Variants in PTK2 observed in about 807,000 individuals in gnomAD.
The protein encoded by PTK2 is protein tyrosine kinase 2.
PTK2 carries 45 observed loss-of-function variants against 150.1 expected under a neutral mutation model. The ratio of observed to expected loss-of-function variants is 0.30; its 90% CI spans 0.24 to 0.38. PTK2 has a LOEUF of 0.38. PTK2 is among the 10% of genes least tolerant of loss of function. PTK2 has a pLI of 1.00. For missense variants in PTK2, 919 were observed against 1,307.3 expected, an observed-to-expected ratio of 0.70 and a Z score of 4.58; for synonymous variants, 432 against 449.2, an observed-to-expected ratio of 0.96 and a Z score of 0.48.
intron 16 of PTK2, among the ~76,000 whole-genome samples, chr8:140,753,162 TACCCCAG>T (rs1317635922): frequency 6.6e-6 from 1 of 151,990 alleles, no homozygotes; most frequent in African/African-American, 2.4e-5. Context: ...GCTACCACAG[TACCCCAG>T]GTGACAGGTG....
rs2100118691 is a variant in PTK2 at position 140,836,447 on chromosome 8, TA to T, written c.594-5922del. Among the ~76,000 whole-genome samples the T allele has an allele frequency of 2.0e-5, 3 of 152,274 alleles. No homozygotes were observed. In the South Asian group the frequency reaches 6.2e-4, roughly 32 times the overall value. On this transcript the variant is annotated intron_variant, in intron 7 of 31. Transcript: ENST00000522684. ...GAGGTGGCTATGGATTACAAAATGG[TA>T]AAATTAAAGTAACCTGTAGCCCCAA...
intron 29 of PTK2, chr8:140,669,479 G>A: frequency 2.1e-6 from 1 of 487,512 alleles, no homozygotes; most frequent in Non-Finnish European, 3.6e-6. Flanking sequence ...ATTAATTCTT[G>A]GTTGTTCCAA....
rs143559545 is a variant in PTK2 at position 140,831,479 on chromosome 8, C to T, written c.594-953G>A. On this transcript the variant is annotated intron_variant, in intron 7 of 31. Coordinates refer to ENST00000522684, the Ensembl canonical transcript of PTK2. The stretch of plus-strand genomic sequence containing the variant: ...CATCCGTAACTGTTAAGTTAGCTGA[C>T]GTTATAAACAAAACCAGAGACATCA... Among the ~76,000 whole-genome samples the T allele has an allele frequency of 5.9e-5, 9 of 152,206 alleles. 1 individual carries two copies. Among genetic ancestry groups the T allele is most frequent in the African/African-American group, 2.2e-4 (9 of 41,530 alleles).
At chr8:140,744,736 C>A (rs146511319) in exon 19 of PTK2, 2 of 1,599,240 alleles carry the variant, frequency 1.3e-6, no homozygotes, top group African/African-American at 2.7e-5. Flanking sequence ...TAGATCCAAA[C>A]TGTATTTCCT....
At chr8:140,888,456 C>A (rs1024330067) in intron 3 of PTK2, among the ~76,000 whole-genome samples, 1 of 152,192 alleles carries the variant, frequency 6.6e-6, no homozygotes, top group African/African-American at 2.4e-5. Context: ...CTGAAAATCA[C>A]TGACTGATAA....
At chr8:140,669,666 T>C (rs539492820) in intron 29 of PTK2, 61 bp downstream of exon 33, 2 of 1,509,362 alleles carry the variant, frequency 1.3e-6, no homozygotes, top group East Asian at 2.5e-5. Flanking sequence ...CAAAGTTACA[T>C]GCAGAGAGCC....
chr8:140,767,663 T>A (rs1245226359), intron 14 of PTK2, among the ~76,000 whole-genome samples: 1 of 152,106 alleles, frequency 6.6e-6, no homozygotes, highest in Non-Finnish European at 1.5e-5. Context: ...TTCTTGTACC[T>A]TTTGTAGAGA....
intron 5 of PTK2, among the ~76,000 whole-genome samples, chr8:140,851,679 CAAA>C (rs2100129311): frequency 6.6e-6 from 1 of 151,912 alleles, no homozygotes; most frequent in Non-Finnish European, 1.5e-5. Flanking sequence ...GTCAACATGG[CAAA>C]AACATCTCTC....
chr8:140,760,190 C>T (rs545512643), intron 16 of PTK2, among the ~76,000 whole-genome samples: 107 of 152,132 alleles, frequency 7.0e-4, no homozygotes, highest in African/African-American at 2.5e-3. Context: ...CCACTGCACT[C>T]CAGCCTGGCG....
chr8:140,894,031 A>G (rs1433869045), intron 2 of PTK2, among the ~76,000 whole-genome samples: 1 of 152,202 alleles, frequency 6.6e-6, no homozygotes, highest in East Asian at 1.9e-4. Context: ...GTTACCAACT[A>G]AATGTCTGTG....
At chr8:140,868,348 T>C (rs2100140582) in intron 4 of PTK2, among the ~76,000 whole-genome samples, 1 of 152,200 alleles carries the variant, frequency 6.6e-6, no homozygotes, top group South Asian at 2.1e-4. Context: ...ACTTCCAATT[T>C]TTTTAAAAAA....
intron 12 of PTK2, among the ~76,000 whole-genome samples, chr8:140,795,670 CT>C (rs2100091115): frequency 1.3e-5 from 2 of 151,940 alleles, no homozygotes; most frequent in South Asian, 4.1e-4. Context: ...ATGCACAACC[CT>C]GTCTGTTTTG....
At chr8:140,902,924 G>GTTTTTTTTTTTTT (rs61261890) in intron 2 of PTK2, among the ~76,000 whole-genome samples, 11 of 58,964 alleles carry the variant, frequency 1.9e-4, no homozygotes, top group East Asian at 1.2e-3. Context: ...GATGAGAGTT[G>GTTTTTTTTTTTTT]TTTTTTTTTT....
chr8:140,917,495 C>T (rs564525024), intron 2 of PTK2, among the ~76,000 whole-genome samples: 1 of 152,210 alleles, frequency 6.6e-6, no homozygotes, highest in South Asian at 2.1e-4. Context: ...TGGATAAATA[C>T]TTTTACTCTA....
At chr8:140,797,611 C>T (rs572464498) in intron 12 of PTK2, among the ~76,000 whole-genome samples, 23 of 152,234 alleles carry the variant, frequency 1.5e-4, no homozygotes, top group Middle Eastern at 3.4e-3. Context: ...CTATATTACA[C>T]TATACACTTT....
chr8:140,847,096 C>T (rs992956255), intron 5 of PTK2, among the ~76,000 whole-genome samples: 1 of 152,166 alleles, frequency 6.6e-6, no homozygotes, highest in Non-Finnish European at 1.5e-5. Context: ...ATGCTCCACA[C>T]CTTTCCCATG....
At chr8:140,927,958 G>GAAAAAAAAAAAAAAAAAAAA (rs57931737) in intron 1 of PTK2, among the ~76,000 whole-genome samples, 4 of 63,636 alleles carry the variant, frequency 6.3e-5, no homozygotes, top group Admixed American at 2.7e-4. Context: ...AAAAAAAAAA[G>GAAAAAAAAAAAAAAAAAAAA]AAAAAAAAAA....
rs140600827 is a variant in PTK2, at chr8:140,705,505, C to T, written c.2229+614G>A. ...ATGGGAAGGGGCACAAAGGAACTGC[C>T]GGGGTCACAGACACGCTCTATATCC... is the stretch of plus-strand genomic sequence containing the variant. On this transcript the variant is annotated intron_variant, in intron 24 of 31. Transcript: ENST00000522684. 4.7e-3 allele frequency among the ~76,000 whole-genome samples: 720 copies of T among 152,246 alleles called. 13 individuals are homozygous for T. Among genetic ancestry groups the T allele is most frequent in the African/African-American group, 0.016 (645 of 41,546 alleles).
intron 3 of PTK2, among the ~76,000 whole-genome samples, chr8:140,888,204 G>C (rs2100153006): frequency 6.6e-6 from 1 of 152,076 alleles, no homozygotes; most frequent in South Asian, 2.1e-4. Context: ...TATCCATAAT[G>C]TTCCTTTGTC....
Sources: allele counts gnomAD v4.1 joint callset (sites outside exome capture counted in the v4.1 genomes callset), GRCh38; gene constraint gnomAD v4.1.1; transcripts MANE v1.5; gene names NCBI Gene and HGNC (gene_info 2026-07-23, HGNC 2026-07-21).